RSRC1: variants seen among roughly 807,000 people sequenced by gnomAD.
RSRC1 encodes the protein serine/Arginine-related protein 53.
A neutral mutation model predicts 49.1 loss-of-function variants in RSRC1; 39 were observed. The observed-to-expected ratio is 0.79, with a 90% CI of 0.61 to 1.04. The LOEUF is 1.04. Ranked by LOEUF, RSRC1 falls within the 50% of genes least tolerant of loss-of-function variation. RSRC1 has a pLI of 0.00. For missense variants in RSRC1, 388 were observed against 402.4 expected (o/e 0.96, Z 0.31); for synonymous variants, 143 against 130.8 (o/e 1.09, Z -0.63).
chr3:158,375,310 C>T (rs1732304050), intron 6 of RSRC1, among the ~76,000 whole-genome samples: 1 of 151,426 alleles, frequency 6.6e-6, no homozygotes, highest in East Asian at 1.9e-4. Flanking sequence ...GAGCCTCCCA[C>T]CTCAACCCTC....
chr3:158,219,777 G>A (rs1722132571), intron 4 of RSRC1, among the ~76,000 whole-genome samples: 1 of 151,466 alleles, frequency 6.6e-6, no homozygotes, highest in South Asian at 2.1e-4. Flanking sequence ...TGAGAAGGAA[G>A]GAATGTTACC....
chr3:158,194,488 A>T (rs116026636), intron 3 of RSRC1, among the ~76,000 whole-genome samples: 5 of 126,484 alleles, frequency 4.0e-5, no homozygotes, highest in South Asian at 2.6e-4. Flanking sequence ...GCACTTTGAG[A>T]TTCTTTTTTT....
chr3:158,177,251 A>G (rs1421556739), intron 3 of RSRC1, among the ~76,000 whole-genome samples: 1 of 152,224 alleles, frequency 6.6e-6, no homozygotes. Context: ...TCGAGGATCT[A>G]GAACTAGAAA....
chr3:158,139,759 G>C (rs1716627059), intron 3 of RSRC1, among the ~76,000 whole-genome samples: 1 of 151,096 alleles, frequency 6.6e-6, no homozygotes, highest in Non-Finnish European at 1.5e-5. Context: ...TCAGCCTCCC[G>C]AGTAGCTGAG....
intron 6 of RSRC1, among the ~76,000 whole-genome samples, chr3:158,367,975 T>TTTTTAAG (rs1279879498): frequency 2.0e-5 from 3 of 152,168 alleles, no homozygotes; most frequent in African/African-American, 7.2e-5. Context: ...GTGTAAGTTG[T>TTTTTAAG]TTGTTTTAAC....
chr3:158,324,718 C>T (rs1728975708), intron 5 of RSRC1, among the ~76,000 whole-genome samples: 1 of 152,156 alleles, frequency 6.6e-6, no homozygotes, highest in Non-Finnish European at 1.5e-5. Context: ...TTTATAGCAG[C>T]ATGATTTATA....
intron 7 of RSRC1, among the ~76,000 whole-genome samples, chr3:158,491,276 C>T (rs910067192): frequency 1.4e-4 from 22 of 152,228 alleles, no homozygotes; most frequent in Non-Finnish European, 2.5e-4. Context: ...TTTTTAATTT[C>T]ACAAATGTAA....
chr3:158,193,370 T>G (rs1720353144), intron 3 of RSRC1, among the ~76,000 whole-genome samples: 1 of 152,138 alleles, frequency 6.6e-6, no homozygotes, highest in Non-Finnish European at 1.5e-5. Flanking sequence ...CAGTATATTT[T>G]TTTAATAAAA....
At chr3:158,466,281 G>T (rs80329956) in intron 7 of RSRC1, among the ~76,000 whole-genome samples, 2,854 of 152,152 alleles carry the variant, frequency 0.019, 47 homozygotes, top group Admixed American at 0.022. Context: ...AATTTAGATC[G>T]CATTTTACTT....
intron 3 of RSRC1, among the ~76,000 whole-genome samples, chr3:158,190,287 A>G (rs900006248): frequency 6.6e-6 from 1 of 151,998 alleles, no homozygotes; most frequent in Non-Finnish European, 1.5e-5. Context: ...CTTTAGTTAC[A>G]GGACTGTTCT....
chr3:158,195,930 G>C (rs371553422), intron 3 of RSRC1, among the ~76,000 whole-genome samples: 4 of 151,920 alleles, frequency 2.6e-5, no homozygotes, highest in African/African-American at 7.3e-5. Flanking sequence ...GTCAGGTAGC[G>C]TGATGCCTCC....
chr3:158,475,844 G>C (rs1738343329), intron 7 of RSRC1, among the ~76,000 whole-genome samples: 1 of 152,116 alleles, frequency 6.6e-6, no homozygotes, highest in South Asian at 2.1e-4. Flanking sequence ...GAAAGGAAGA[G>C]TTGCATGTCC....
At chr3:158,457,020 A>C (rs1220134942) in intron 6 of RSRC1, among the ~76,000 whole-genome samples, 1 of 152,152 alleles carries the variant, frequency 6.6e-6, no homozygotes, top group Non-Finnish European at 1.5e-5. Flanking sequence ...AGAAAGGTAC[A>C]TTTATTTATT....
intron 5 of RSRC1, among the ~76,000 whole-genome samples, chr3:158,338,210 C>CT (rs11332968): frequency 0.42 from 61,441 of 146,782 alleles, 13,709 homozygotes; most frequent in South Asian, 0.6. Flanking sequence ...TATAACTTTG[C>CT]TTTTTTTTTT....
intron 5 of RSRC1, among the ~76,000 whole-genome samples, chr3:158,345,018 A>G (rs2108221378): frequency 6.6e-6 from 1 of 152,220 alleles, no homozygotes; most frequent in South Asian, 2.1e-4. Flanking sequence ...CGGGAGTTTG[A>G]GACCAGTCTG....
At chr3:158,541,010 G>C (rs762181668) in intron 8 of RSRC1, among the ~76,000 whole-genome samples, 10 of 152,180 alleles carry the variant, frequency 6.6e-5, no homozygotes, top group Non-Finnish European at 1.3e-4. Context: ...GTGGTGCTGG[G>C]AAGTGATACC....
In RSRC1 at chr3:158,426,229, T is replaced by C. The variant is rs895539855; in HGVS notation, c.584-34706T>C. On this transcript the variant is annotated intron_variant, in intron 6 of 9. Transcript: ENST00000611884. ...ATACCCATTTAAAATATTATAAAATTAGACATCTTGATGAAAGGCAAAATA... is the reference window on the plus strand; with the variant it reads ...ATACCCATTTAAAATATTATAAAATCAGACATCTTGATGAAAGGCAAAATA... 2.0e-5 allele frequency among the ~76,000 whole-genome samples: 3 copies of C among 151,800 alleles called. No homozygotes were observed. The South Asian group carries it at 6.2e-4, about 31-fold the overall frequency.
chr3:158,192,744 T>C (rs1720319815), intron 3 of RSRC1, among the ~76,000 whole-genome samples: 1 of 152,080 alleles, frequency 6.6e-6, no homozygotes, highest in African/African-American at 2.4e-5. Context: ...GCTTCAGGAC[T>C]TGGATGATAG....
chr3:158,129,293 T>C (rs923964568), intron 3 of RSRC1, among the ~76,000 whole-genome samples: 1,585 of 110,550 alleles, frequency 0.014, 8 homozygotes, highest in African/African-American at 0.045. Context: ...TCTTTCTTTT[T>C]TTTTTTTTTT....
Sources: gnomAD v4.1 joint callset for allele counts (sites outside exome capture counted in the v4.1 genomes callset) on GRCh38, gnomAD v4.1.1 for gene constraint, MANE v1.5 for transcripts, NCBI Gene and HGNC (gene_info 2026-07-23, HGNC 2026-07-21) for gene names.